The following RCAN2 variants were observed in gnomAD, a reference collection of about 807,000 sequenced individuals.
RCAN2 encodes the protein calcipressin-2.
A neutral mutation model predicts 23.6 loss-of-function variants in RCAN2; 9 were observed. The observed-to-expected ratio is 0.38, with a 90% CI of 0.23 to 0.67. The LOEUF (loss-of-function observed/expected upper bound fraction) is 0.67. Among genes scored for constraint, RCAN2 ranks in the 30% least tolerant of loss-of-function variants. RCAN2 has a pLI of 0.51. For missense variants in RCAN2, 273 were observed against 302.3 expected (o/e 0.90, Z 0.72); for synonymous variants, 109 against 115.7 (o/e 0.94, Z 0.37).
chr6:46,411,769 G>A (rs1333321733), intron 2 of RCAN2, among the ~76,000 whole-genome samples: 2 of 152,158 alleles, frequency 1.3e-5, no homozygotes, highest in African/African-American at 2.4e-5. Flanking sequence ...CTAAGAGGAA[G>A]AGTATTCCAG....
chr6:46,467,620 T>A lies in RCAN2; in HGVS notation c.-2-10642A>T, dbSNP rs533975745. Among the ~76,000 whole-genome samples the A allele has an allele frequency of 2.0e-5, 3 of 152,370 alleles. No individual in the cohort carries two copies. In the South Asian group the frequency reaches 6.2e-4, roughly 32 times the overall value. ...TGAACTTTGAAGTTGGTCTTGAATT[T>A]TGGCACTGCCACTTTCTAGCTGTGT... On this transcript the variant is annotated intron_variant, in intron 1 of 4. Transcript: ENST00000371374.
intron 2 of RCAN2, among the ~76,000 whole-genome samples, chr6:46,418,181 G>A (rs576578531): frequency 2.0e-4 from 31 of 151,830 alleles, no homozygotes; most frequent in Admixed American, 1.8e-3. Flanking sequence ...GGTATCTAAC[G>A]TCCATTATAA....
chr6:46,332,240 A>T (rs1763996736), intron 2 of RCAN2, among the ~76,000 whole-genome samples: 2 of 152,046 alleles, frequency 1.3e-5, no homozygotes, highest in Non-Finnish European at 2.9e-5. Context: ...TGTGATCAAA[A>T]TATTCTTTCT....
At chr6:46,331,512 C>A (rs1432234007) in intron 2 of RCAN2, among the ~76,000 whole-genome samples, 3 of 152,172 alleles carry the variant, frequency 2.0e-5, no homozygotes, top group African/African-American at 7.2e-5. Context: ...GGAGTTTAAT[C>A]AGGTTGGTTC....
chr6:46,479,019 T>C (rs949340859), intron 1 of RCAN2, among the ~76,000 whole-genome samples: 1 of 152,174 alleles, frequency 6.6e-6, no homozygotes, highest in Admixed American at 6.5e-5. Flanking sequence ...TGAAGGTGCA[T>C]TAGAGAACCT....
At chr6:46,265,685 T>C (rs550320952) in intron 2 of RCAN2, among the ~76,000 whole-genome samples, 8 of 152,320 alleles carry the variant, frequency 5.3e-5, no homozygotes, top group Non-Finnish European at 1.2e-4. Context: ...TGTCAAAATA[T>C]GCAGGCCTTC....
At position 46,230,745 on chromosome 6, in the gene RCAN2, C is replaced by G. The variant is rs374549758; in HGVS notation, c.572-7444G>C. 3.9e-5 allele frequency among the ~76,000 whole-genome samples: 6 copies of G among 152,296 alleles called. 1 individual carries two copies. Among genetic ancestry groups the G allele is most frequent in the East Asian group, 3.9e-4 (2 of 5,178 alleles). ...CTTCCTGGGTGAGGTGATGCCCCAC[C>G]CTGCTCTGTGGGCTGCACCCACTGT... On this transcript the variant is annotated intron_variant, in intron 4 of 4. Coordinates refer to ENST00000371374, the MANE Select transcript of RCAN2 (RefSeq NM_001251974.2).
intron 2 of RCAN2, among the ~76,000 whole-genome samples, chr6:46,265,024 C>G (rs538387161): frequency 3.5e-4 from 53 of 152,168 alleles, no homozygotes; most frequent in African/African-American, 1.3e-3. Context: ...GAAGCTGGGT[C>G]GATATGGCTT....
chr6:46,369,729 C>T (rs1420456016), intron 2 of RCAN2, among the ~76,000 whole-genome samples: 3 of 152,188 alleles, frequency 2.0e-5, no homozygotes, highest in Admixed American at 6.6e-5. Context: ...GTGATTAAGT[C>T]GCTGAAATGA....
At chr6:46,334,964 G>A (rs527577556) in intron 2 of RCAN2, among the ~76,000 whole-genome samples, 3 of 151,772 alleles carry the variant, frequency 2.0e-5, no homozygotes, top group South Asian at 4.2e-4. Flanking sequence ...TGACACACTC[G>A]AAAAAATTAC....
At chr6:46,235,779 T>C (rs1766070729) in intron 4 of RCAN2, among the ~76,000 whole-genome samples, 1 of 152,176 alleles carries the variant, frequency 6.6e-6, no homozygotes, top group Non-Finnish European at 1.5e-5. Context: ...ACACCCCTTG[T>C]TATAACCCTA....
chr6:46,427,603 A>T (rs1156488961), intron 2 of RCAN2, among the ~76,000 whole-genome samples: 1 of 152,220 alleles, frequency 6.6e-6, no homozygotes, highest in African/African-American at 2.4e-5. Flanking sequence ...AAATAATGAC[A>T]TACCTATCAG....
chr6:46,423,778 A>G (rs1315418842), intron 2 of RCAN2, among the ~76,000 whole-genome samples: 1 of 152,180 alleles, frequency 6.6e-6, no homozygotes, highest in African/African-American at 2.4e-5. Context: ...TCCTTTTCCA[A>G]TCACTGAAGG....
intron 2 of RCAN2, among the ~76,000 whole-genome samples, chr6:46,437,197 T>C (rs1767398637): frequency 6.6e-6 from 1 of 152,234 alleles, no homozygotes; most frequent in African/African-American, 2.4e-5. Context: ...AGCCTCCACA[T>C]TGACCCATAA....
At position 46,299,167 on chromosome 6, in the gene RCAN2, T is replaced by C. The variant is rs756261933; in HGVS notation, c.226-50271A>G. On this transcript the variant is annotated intron_variant, in intron 2 of 4. Coordinates refer to ENST00000371374, the MANE Select transcript of RCAN2 (RefSeq NM_001251974.2). ...AGTACTATGCTCACTACTTGGATGA[T>C]GGGACACACACAATTTACTTACGTA... is the stretch of plus-strand genomic sequence containing the variant. Among the ~76,000 whole-genome samples, 5 of 152,116 alleles carry C rather than the reference T, an allele frequency of 3.3e-5. No homozygotes were observed. The South Asian group carries it at 8.3e-4, about 25-fold the overall frequency.
intron 2 of RCAN2, among the ~76,000 whole-genome samples, chr6:46,303,012 A>C (rs9349354): frequency 0.77 from 116,408 of 151,804 alleles, 45,168 homozygotes; most frequent in Non-Finnish European, 0.83. Flanking sequence ...GTTTTCTCTG[A>C]CATGGCAGGA....
At position 46,371,773 on chromosome 6, in the gene RCAN2, T is replaced by C. The variant is rs532811549; in HGVS notation, c.225+84979A>G. ...AATGAATTGAATATGGGAAAGTGGA[T>C]ACACCTACAAAAATGGGGCTTTCTT... On this transcript the variant is annotated intron_variant, in intron 2 of 4. Coordinates refer to ENST00000371374, the MANE Select transcript of RCAN2 (RefSeq NM_001251974.2). Among the ~76,000 whole-genome samples the C allele has an allele frequency of 2.0e-5, 3 of 152,320 alleles. No individual in the cohort carries two copies. In the South Asian group the frequency reaches 6.2e-4, roughly 32 times the overall value.
chr6:46,229,653 T>G (rs540334832), intron 4 of RCAN2, among the ~76,000 whole-genome samples: 211 of 152,350 alleles, frequency 1.4e-3, no homozygotes, highest in Non-Finnish European at 2.3e-3. Context: ...TGCTGTTTAT[T>G]CTAGTTAGCC....
At chr6:46,453,331 C>T (rs1201875353) in intron 2 of RCAN2, among the ~76,000 whole-genome samples, 1 of 152,232 alleles carries the variant, frequency 6.6e-6, no homozygotes, top group African/African-American at 2.4e-5. Flanking sequence ...TTTCCTCCAG[C>T]TCCGGTTCTC....
Sources: gnomAD v4.1 joint callset for allele counts (sites outside exome capture counted in the v4.1 genomes callset) on GRCh38, gnomAD v4.1.1 for gene constraint, MANE v1.5 for transcripts, NCBI Gene and HGNC (gene_info 2026-07-23, HGNC 2026-07-21) for gene names.